The following BCAR3 variants were observed in gnomAD, a reference collection of about 807,000 sequenced individuals.
The protein encoded by BCAR3 is breast cancer anti-estrogen resistance protein 3.
In BCAR3, 37 loss-of-function variants were observed where a neutral mutation model predicts 80.1. That is an observed-to-expected ratio of 0.46 (90% CI 0.36 to 0.61). The LOEUF (loss-of-function observed/expected upper bound fraction) is 0.61. Ranked by LOEUF, BCAR3 falls within the 20% of genes least tolerant of loss-of-function variation. The pLI, the probability that BCAR3 is intolerant of heterozygous loss-of-function variation, is 0.00. For missense variants in BCAR3, 978 were observed against 1,068.2 expected (o/e 0.92, Z 1.18); for synonymous variants, 389 against 418.9 (o/e 0.93, Z 0.87).
At chr1:93,840,870 C>T (rs1236039231) in intron 2 of BCAR3, among the ~76,000 whole-genome samples, 1 of 152,174 alleles carries the variant, frequency 6.6e-6, no homozygotes, top group Non-Finnish European at 1.5e-5. Context: ...AGGACTCATT[C>T]ATTTGTTCAA....
At chr1:93,772,382 G>T (rs1304884308) in intron 2 of BCAR3, among the ~76,000 whole-genome samples, 1 of 152,206 alleles carries the variant, frequency 6.6e-6, no homozygotes, top group Non-Finnish European at 1.5e-5. Flanking sequence ...AATGCTGCCA[G>T]TGATGGTGAG....
At chr1:93,798,003 AG>A (rs1452144927) in intron 2 of BCAR3, among the ~76,000 whole-genome samples, 1 of 152,222 alleles carries the variant, frequency 6.6e-6, no homozygotes, top group African/African-American at 2.4e-5. Context: ...GATCTAGAAG[AG>A]GCTTTCCTGG....
chr1:93,702,138 C>T (rs1649667158), intron 3 of BCAR3, among the ~76,000 whole-genome samples: 1 of 152,138 alleles, frequency 6.6e-6, no homozygotes, highest in Non-Finnish European at 1.5e-5. Context: ...GGCCAGCATA[C>T]CTACCCCTGC....
At chr1:93,687,659 A>C (rs1649021788) in intron 3 of BCAR3, among the ~76,000 whole-genome samples, 1 of 152,208 alleles carries the variant, frequency 6.6e-6, no homozygotes, top group South Asian at 2.1e-4. Flanking sequence ...CAAGAGACAC[A>C]TGAACAGACA....
chr1:93,624,928 C>T (rs779977275), intron 3 of BCAR3, among the ~76,000 whole-genome samples: 4 of 152,150 alleles, frequency 2.6e-5, no homozygotes, highest in Admixed American at 2.0e-4. Context: ...AGTCATTTTA[C>T]GGCCAGGCGC....
chr1:93,642,417 A>G (rs111265686), intron 2 of BCAR3, 74 bp from the exon 3 acceptor site: 13 of 1,402,990 alleles, frequency 9.3e-6, no homozygotes, highest in African/African-American at 7.1e-5. Context: ...TGTGTCCAAC[A>G]TTATTTCACC....
chr1:93,754,936 C>A, intron 2 of BCAR3, among the ~76,000 whole-genome samples: 1 of 152,142 alleles, frequency 6.6e-6, no homozygotes, highest in East Asian at 1.9e-4. Context: ...GAGGACAGCT[C>A]CATGTATGTT....
chr1:93,812,630 G>C (rs941496772), intron 2 of BCAR3, among the ~76,000 whole-genome samples: 1 of 152,200 alleles, frequency 6.6e-6, no homozygotes, highest in African/African-American at 2.4e-5. Context: ...CCATGAGGCT[G>C]TCTGTCCCTA....
intron 2 of BCAR3, among the ~76,000 whole-genome samples, chr1:93,795,475 C>A (rs1311587321): frequency 1.5e-5 from 1 of 67,032 alleles, no homozygotes. Context: ...GCATTCTTCA[C>A]GTAGTTCTCG....
intron 5 of BCAR3, among the ~76,000 whole-genome samples, chr1:93,585,930 C>G (rs7555302): frequency 0.2 from 31,028 of 151,896 alleles, 3,546 homozygotes; most frequent in African/African-American, 0.28. Context: ...AAATTTTGTG[C>G]ATACATAGTA....
chr1:93,846,145 G>A (rs969062450), intron 1 of BCAR3, among the ~76,000 whole-genome samples: 2 of 148,544 alleles, frequency 1.3e-5, no homozygotes, highest in African/African-American at 2.6e-5. Context: ...TCGTCTTGGG[G>A]TTAAGTAAGA....
chr1:93,739,065 C>T, intron 2 of BCAR3, among the ~76,000 whole-genome samples: 1 of 152,196 alleles, frequency 6.6e-6, no homozygotes, highest in East Asian at 1.9e-4. Flanking sequence ...CTGGACAATA[C>T]TGAACGTTTT....
At chr1:93,813,791 C>G (rs1399829591) in intron 2 of BCAR3, among the ~76,000 whole-genome samples, 1 of 152,150 alleles carries the variant, frequency 6.6e-6, no homozygotes, top group Non-Finnish European at 1.5e-5. Flanking sequence ...GTCAATTGTC[C>G]CAATAATGTC....
intron 2 of BCAR3, among the ~76,000 whole-genome samples, chr1:93,673,855 G>A (rs1314677796): frequency 6.6e-6 from 1 of 152,148 alleles, no homozygotes; most frequent in African/African-American, 2.4e-5. Flanking sequence ...TAGACATCCT[G>A]GCATCTCTAT....
intron 3 of BCAR3, among the ~76,000 whole-genome samples, chr1:93,702,524 T>C (rs1649680980): frequency 7.0e-6 from 1 of 141,970 alleles, no homozygotes; most frequent in African/African-American, 2.6e-5. Flanking sequence ...TCTGTGCTCA[T>C]GGAGTTCCTG....
chr1:93,596,919 G>A (rs1269436948), intron 3 of BCAR3, among the ~76,000 whole-genome samples: 1 of 152,208 alleles, frequency 6.6e-6, no homozygotes, highest in East Asian at 1.9e-4. Context: ...TCCAGAGGAA[G>A]GGATGCTGCT....
chr1:93,573,756 G>A (rs1439219669), intron 8 of BCAR3, among the ~76,000 whole-genome samples: 5 of 151,626 alleles, frequency 3.3e-5, no homozygotes, highest in East Asian at 1.9e-4. Flanking sequence ...AGCCTCCCAC[G>A]TAGCTGGGAC....
At chr1:93,743,230 G>A (rs768005939) in intron 2 of BCAR3, among the ~76,000 whole-genome samples, 4 of 152,272 alleles carry the variant, frequency 2.6e-5, no homozygotes, top group African/African-American at 4.8e-5. Flanking sequence ...CAATTATGCT[G>A]TGTATTTTTT....
At chr1:93,673,189 T>C (rs745546384) in intron 2 of BCAR3, among the ~76,000 whole-genome samples, 1 of 152,246 alleles carries the variant, frequency 6.6e-6, no homozygotes, top group Non-Finnish European at 1.5e-5. Flanking sequence ...TTTGGTATAA[T>C]CTGCAGTTGT....
Sources: allele counts gnomAD v4.1 joint callset (sites outside exome capture counted in the v4.1 genomes callset), GRCh38; gene constraint gnomAD v4.1.1; transcripts MANE v1.5; gene names NCBI Gene and HGNC (gene_info 2026-07-23, HGNC 2026-07-21).